Variants in ANKRD26 observed in about 807,000 individuals in gnomAD.
The protein encoded by ANKRD26 is ankyrin repeat domain 26, also known as ankyrin repeat domain-containing protein 26.
ANKRD26 carries 141 observed loss-of-function variants against 208.7 expected under a neutral mutation model. The observed-to-expected ratio is 0.68, with a 90% CI of 0.59 to 0.78. ANKRD26 has a LOEUF of 0.78. ANKRD26 is among the 30% of genes least tolerant of loss of function. The pLI is 0.00. For missense variants in ANKRD26, 1,889 were observed against 1,938.7 expected, an observed-to-expected ratio of 0.97 and a Z score of 0.48; for synonymous variants, 636 against 660.4, an observed-to-expected ratio of 0.96 and a Z score of 0.57.
chr10:27,049,000 T>A (rs1263019490), intron 16 of ANKRD26, 21 bp from the exon 17 acceptor site: 1 of 1,552,936 alleles, frequency 6.4e-7, no homozygotes, highest in African/African-American at 1.4e-5. Context: ...AGTTTGATAC[T>A]AAGGAATTGC....
At chr10:27,051,734 TAC>T (rs1482919757) in intron 16 of ANKRD26, 2 of 985,270 alleles carry the variant, frequency 2.0e-6, no homozygotes, top group Non-Finnish European at 2.4e-6. Context: ...CCTGGAATAG[TAC>T]AGAGACAGGA....
downstream of ANKRD26, among the ~76,000 whole-genome samples, chr10:26,999,583 T>TC (rs2052673026): frequency 6.6e-6 from 1 of 151,966 alleles, no homozygotes; most frequent in South Asian, 2.1e-4. Context: ...GTGAAAATAG[T>TC]CCCTAGTTAT....
chr10:27,058,251 A>G (rs146971029), intron 15 of ANKRD26, among the ~76,000 whole-genome samples: 4,647 of 152,232 alleles, frequency 0.031, 85 homozygotes, highest in Non-Finnish European at 0.039. Flanking sequence ...GTGGTTCTAA[A>G]TTTTGATTTA....
intron 20 of ANKRD26, among the ~76,000 whole-genome samples, chr10:27,042,798 CA>C (rs60850386): frequency 0.17 from 8,227 of 48,974 alleles, 350 homozygotes; most frequent in African/African-American, 0.31. Flanking sequence ...CAAAAAAATA[CA>C]AAAAAAAAAA....
intron 5 of ANKRD26, among the ~76,000 whole-genome samples, chr10:26,977,030 T>A (rs1430942213): frequency 6.6e-6 from 1 of 152,184 alleles, no homozygotes; most frequent in African/African-American, 2.4e-5. Flanking sequence ...TTGGCATTTA[T>A]CAAACCGTCC....
At chr10:26,975,960 T>TCTTA (rs2052221050) in exon 6 of ANKRD26, among the ~76,000 whole-genome samples, 1 of 152,144 alleles carries the variant, frequency 6.6e-6, no homozygotes, top group African/African-American at 2.4e-5. Flanking sequence ...GCTTTATCAC[T>TCTTA]CTTACCTCCT....
At chr10:26,972,615 G>A (rs2052166437), downstream of ANKRD26, among the ~76,000 whole-genome samples, 1 of 132,798 alleles carries the variant, frequency 7.5e-6, no homozygotes, top group African/African-American at 2.9e-5. Context: ...TTTGGAGACA[G>A]AGTCTCACTC....
At chr10:27,090,165 G>T (rs2056252899) in intron 4 of ANKRD26, among the ~76,000 whole-genome samples, 1 of 152,114 alleles carries the variant, frequency 6.6e-6, no homozygotes, top group South Asian at 2.1e-4. Flanking sequence ...GAGAGATATG[G>T]CCAGCCATGG....
At chr10:27,096,679 T>C (rs113990083) in intron 1 of ANKRD26, among the ~76,000 whole-genome samples, 1 of 150,764 alleles carries the variant, frequency 6.6e-6, no homozygotes, top group African/African-American at 2.4e-5. Context: ...GGCACGAGAA[T>C]TGCTTGAACC....
Position 27,034,846 on chromosome 10 carries a change from G to T in ANKRD26, c.3604C>A (p.His1202Asn). The T allele has an allele frequency of 1.2e-6, 2 of 1,611,432 alleles. No individual in the cohort carries two copies. The highest frequency in any genetic ancestry group is 2.2e-5 in the South Asian group (2 of 90,204). The change falls in exon 24 of 34, where the codon CAC (histidine) becomes AAC (asparagine). Residue 1202 changes from histidine to asparagine, a missense_variant. Around this residue, in one of 3 missense-constraint regions of ANKRD26, gnomAD observed 613 missense variants for 648.2 expected, o/e 0.95. Transcript: ENST00000376087. ...TATTGATACTGTCTTTCTTTTAAGT[G>T]ATTACATTCACTGATTAACTCCTTA... is the stretch of plus-strand genomic sequence containing the variant. ...RNKELISECN[H>N]LKERQYQYEN...
At chr10:27,053,713 A>C (rs1257606087) in intron 15 of ANKRD26, among the ~76,000 whole-genome samples, 1 of 152,204 alleles carries the variant, frequency 6.6e-6, no homozygotes, top group African/African-American at 2.4e-5. Context: ...GAAACTAGTA[A>C]CACTAGACAA....
At chr10:27,091,523 C>G (rs2056299188) in intron 4 of ANKRD26, among the ~76,000 whole-genome samples, 1 of 152,276 alleles carries the variant, frequency 6.6e-6, no homozygotes, top group South Asian at 2.1e-4. Flanking sequence ...TAGCGATCAA[C>G]AATCACCTAG....
chr10:27,095,560 C>T (rs933207887), intron 1 of ANKRD26, among the ~76,000 whole-genome samples: 10 of 152,066 alleles, frequency 6.6e-5, no homozygotes, highest in Non-Finnish European at 1.3e-4. Flanking sequence ...CCCAGCTACT[C>T]GAGGGGGCTG....
At chr10:26,983,972 C>T (rs2052347159) in intron 3 of ANKRD26, among the ~76,000 whole-genome samples, 1 of 152,144 alleles carries the variant, frequency 6.6e-6, no homozygotes, top group Admixed American at 6.6e-5. Flanking sequence ...GCATATTCAG[C>T]AGGCATCTTT....
chr10:27,086,685 A>G, intron 4 of ANKRD26, 76 bp from the exon 5 acceptor site: 1 of 1,468,624 alleles, frequency 6.8e-7, no homozygotes, highest in Non-Finnish European at 9.2e-7. Context: ...CAAAATCTTG[A>G]GTATTTCAGC....
At chr10:27,099,572 G>GT (rs1554799495) in intron 1 of ANKRD26, among the ~76,000 whole-genome samples, 4 of 136,884 alleles carry the variant, frequency 2.9e-5, no homozygotes, top group Non-Finnish European at 6.3e-5. Context: ...TGGGGGGGGG[G>GT]GTCTCGCTAT....
intron 20 of ANKRD26, 140 bp downstream of exon 20, chr10:27,043,284 ACT>A (rs942057825): frequency 1.1e-6 from 1 of 874,042 alleles, no homozygotes; most frequent in Non-Finnish European, 1.8e-6. Context: ...CATATAAAGA[ACT>A]CTTCAGCTTT....
At chr10:26,982,949 G>GA (rs2134629265) in intron 3 of ANKRD26, among the ~76,000 whole-genome samples, 2 of 152,294 alleles carry the variant, frequency 1.3e-5, no homozygotes, top group South Asian at 4.1e-4. Context: ...GATCTGACAG[G>GA]TTGGTTATCT....
At chr10:26,991,135 G>A (rs2052478699), downstream of ANKRD26, among the ~76,000 whole-genome samples, 1 of 152,112 alleles carries the variant, frequency 6.6e-6, no homozygotes, top group African/African-American at 2.4e-5. Context: ...GGGATCCCTG[G>A]AGGAAGGAGG....
Sources: allele counts gnomAD v4.1 joint callset (sites outside exome capture counted in the v4.1 genomes callset), GRCh38; gene constraint gnomAD v4.1.1; regional missense constraint gnomAD v4.1.1; transcripts MANE v1.5; gene names NCBI Gene and HGNC (gene_info 2026-07-23, HGNC 2026-07-21).